SLC7A9: variants seen among roughly 807,000 people sequenced by gnomAD.
SLC7A9 encodes B(0,+)-type amino acid transporter 1.
SLC7A9 carries 38 observed loss-of-function variants against 54.1 expected under a neutral mutation model. The observed-to-expected ratio is 0.70, with a 90% CI of 0.54 to 0.92. The LOEUF is 0.92. SLC7A9 is among the 40% of genes least tolerant of loss of function. The pLI is 0.00. For missense variants in SLC7A9, 537 were observed against 636.1 expected, an observed-to-expected ratio of 0.84 and a Z score of 1.68; for synonymous variants, 264 against 258.9, an observed-to-expected ratio of 1.02 and a Z score of -0.19.
chr19:32,831,511 G>A (rs745870456), intron 12 of SLC7A9, among the ~76,000 whole-genome samples: 37 of 152,096 alleles, frequency 2.4e-4, no homozygotes, highest in Admixed American at 1.4e-3. Context: ...CGATGGTCTC[G>A]ATCTCCTGAC....
chr19:32,845,701 C>A (rs1968268173), intron 9 of SLC7A9, among the ~76,000 whole-genome samples: 1 of 152,148 alleles, frequency 6.6e-6, no homozygotes, highest in South Asian at 2.1e-4. Flanking sequence ...CCACGAAGGT[C>A]ATTTTCAAAC....
chr19:32,832,565 G>A (rs1967830371), intron 12 of SLC7A9, among the ~76,000 whole-genome samples: 1 of 146,870 alleles, frequency 6.8e-6, no homozygotes, highest in African/African-American at 2.5e-5. Context: ...TCCAGCCTGG[G>A]CAACAGAGTG....
chr19:32,849,357 C>T (rs1343807631), intron 9 of SLC7A9, among the ~76,000 whole-genome samples: 10 of 151,122 alleles, frequency 6.6e-5, no homozygotes, highest in Admixed American at 3.9e-4. Flanking sequence ...ATATCACCAC[C>T]GATCCCACAG....
intron 11 of SLC7A9, among the ~76,000 whole-genome samples, chr19:32,835,889 CTGTGTGTGTGTGTGTGTGTGTATGTG>C (rs535662350): frequency 0.017 from 2,376 of 140,842 alleles, 23 homozygotes; most frequent in Middle Eastern, 0.025. Context: ...AATTTATGTA[CTGTGTGTGTGTGTGTGTGTGTATGTG>C]TGTGTGTGTG....
intron 6 of SLC7A9, among the ~76,000 whole-genome samples, chr19:32,861,690 C>G (rs1268871895): frequency 6.6e-6 from 1 of 152,106 alleles, no homozygotes; most frequent in African/African-American, 2.4e-5. Context: ...CAGCTCCTAT[C>G]TGTAGTCCCA....
intron 9 of SLC7A9, among the ~76,000 whole-genome samples, chr19:32,845,860 T>A (rs977326175): frequency 1.3e-5 from 2 of 151,666 alleles, no homozygotes. Flanking sequence ...ACACAAAAAT[T>A]AGGTGTGATG....
At chr19:32,865,958 CAAA>C (rs34667172) in intron 2 of SLC7A9, among the ~76,000 whole-genome samples, 5 of 119,382 alleles carry the variant, frequency 4.2e-5, no homozygotes, top group Admixed American at 8.7e-5. Context: ...GAGACTGTCT[CAAA>C]AAAAAAAAAA....
chr19:32,850,287 T>C (rs572677029), intron 9 of SLC7A9, among the ~76,000 whole-genome samples: 25 of 147,768 alleles, frequency 1.7e-4, no homozygotes, highest in Admixed American at 7.5e-4. Context: ...ATAACCCCAT[T>C]GTCTCAGCCC....
intron 9 of SLC7A9, among the ~76,000 whole-genome samples, chr19:32,853,290 G>A (rs763186779): frequency 7.9e-5 from 12 of 152,168 alleles, no homozygotes; most frequent in Admixed American, 1.3e-4. Flanking sequence ...CTGGAGCTGC[G>A]GGTGAAAGCA....
chr19:32,840,758 C>G (rs529495228), intron 11 of SLC7A9, among the ~76,000 whole-genome samples: 1 of 152,248 alleles, frequency 6.6e-6, no homozygotes, highest in African/African-American at 2.4e-5. Flanking sequence ...CACTGCAGCC[C>G]TGCTCCTCCA....
intron 9 of SLC7A9, among the ~76,000 whole-genome samples, chr19:32,853,035 T>A (rs2145828138): frequency 6.7e-6 from 1 of 149,722 alleles, no homozygotes; most frequent in East Asian, 2.0e-4. Context: ...TGCCTCAGCC[T>A]CCTGAGTAGC....
At position 32,864,745 on chromosome 19, in the gene SLC7A9, A is replaced by C. The variant is rs1418587408; in HGVS notation, c.119T>G (p.Val40Gly). The C allele has an allele frequency of 1.2e-6, 2 of 1,614,078 alleles. No individual in the cohort carries two copies. The highest frequency in any genetic ancestry group is 1.3e-5 in the African/African-American group (1 of 74,944). Residue 40 changes from valine to glycine, a missense_variant, in exon 3 of 13, where the codon GTG (valine) becomes GGG (glycine). Val to Gly is a moderately radical substitution (Grantham distance 109). Transcript: ENST00000023064. ...LGLISGISII[V>G]GTIIGSGIFV... ...GATCCCAGAGCCAATGATGGTGCCC[A>C]CGATGATGGAGATGCCACTGATGAG...
chr19:32,833,467 T>C (rs1230455843), intron 11 of SLC7A9, 144 bp from the exon 12 acceptor site: 1 of 886,912 alleles, frequency 1.1e-6, no homozygotes, highest in African/African-American at 1.7e-5. Context: ...GCCAATCTTA[T>C]TTCATCTATA....
chr19:32,851,797 T>C (rs1379843603), intron 9 of SLC7A9, among the ~76,000 whole-genome samples: 2 of 152,060 alleles, frequency 1.3e-5, no homozygotes, highest in Non-Finnish European at 2.9e-5. Context: ...ATAGACTGGA[T>C]TAAGAAAATG....
chr19:32,859,513 T>C (rs1387261974), intron 8 of SLC7A9, among the ~76,000 whole-genome samples: 1 of 152,126 alleles, frequency 6.6e-6, no homozygotes, highest in Non-Finnish European at 1.5e-5. Flanking sequence ...CCTCTCACCT[T>C]CTATGATTCA....
chr19:32,860,760 A>G, intron 6 of SLC7A9, 110 bp from the exon 7 acceptor site: 2 of 1,447,244 alleles, frequency 1.4e-6, no homozygotes, highest in Non-Finnish European at 1.9e-6. Flanking sequence ...AGAGAAAAAA[A>G]TTCTCCTGCA....
intron 2 of SLC7A9, among the ~76,000 whole-genome samples, chr19:32,867,954 GAAT>G (rs1381403680): frequency 1.2e-5 from 1 of 85,356 alleles, no homozygotes; most frequent in Admixed American, 1.3e-4. Flanking sequence ...AAAAAAAAAA[GAAT>G]ATGCAGCCGA....
At chr19:32,838,763 A>G (rs1432126423) in intron 11 of SLC7A9, among the ~76,000 whole-genome samples, 1 of 148,492 alleles carries the variant, frequency 6.7e-6, no homozygotes, top group East Asian at 1.9e-4. Context: ...ATATACATAT[A>G]TACATATATG....
At chr19:32,844,627 C>T (rs1383168262) in intron 9 of SLC7A9, among the ~76,000 whole-genome samples, 2 of 151,822 alleles carry the variant, frequency 1.3e-5, no homozygotes, top group Admixed American at 6.6e-5. Context: ...GTCAGGAGTT[C>T]GAGACCAGTC....
Sources: allele counts gnomAD v4.1 joint callset (sites outside exome capture counted in the v4.1 genomes callset), GRCh38; gene constraint gnomAD v4.1.1; transcripts MANE v1.5; gene names NCBI Gene and HGNC (gene_info 2026-07-23, HGNC 2026-07-21).